HM13: variants seen among roughly 807,000 people sequenced by gnomAD.
The protein encoded by HM13 is signal peptide peptidase.
HM13 carries 18 observed loss-of-function variants against 50.0 expected under a neutral mutation model. The observed-to-expected ratio is 0.36, with a 90% CI of 0.25 to 0.53. The LOEUF is 0.53. Ranked by LOEUF, HM13 falls within the 20% of genes least tolerant of loss-of-function variation. The pLI, the probability that HM13 is intolerant of heterozygous loss-of-function variation, is 0.90. For synonymous variants in HM13, 197 were observed against 232.6 expected (o/e 0.85, Z 1.39); for missense variants, 393 against 552.4 (o/e 0.71, Z 2.89).
At chr20:31,555,170 C>A (rs1245220400) in intron 8 of HM13, among the ~76,000 whole-genome samples, 1 of 152,202 alleles carries the variant, frequency 6.6e-6, no homozygotes, top group Non-Finnish European at 1.5e-5. Flanking sequence ...ACAATCTTAA[C>A]AGACTGGACC....
chr20:31,538,442 G>T (rs1469838988), intron 3 of HM13, 181 bp downstream of exon 3: 11 of 1,435,722 alleles, frequency 7.7e-6, no homozygotes, highest in Non-Finnish European at 1.0e-5. Context: ...GACCTCTCTG[G>T]GCCACAGTTT....
chr20:31,542,621 G>A (rs997403804), intron 3 of HM13, among the ~76,000 whole-genome samples: 9 of 152,160 alleles, frequency 5.9e-5, no homozygotes, highest in Non-Finnish European at 1.3e-4. Flanking sequence ...ATGATGAGAC[G>A]GGGCCTCTAT....
chr20:31,514,690 A>G lies in HM13; in HGVS notation c.139A>G (p.Ile47Val), dbSNP rs1981658754. The part of the protein sequence containing the change: ...GSLLLMALLP[I>V]FFGALRSVRC... ...CCTCCTGCTCATGGCGCTGCTGCCC[A>G]TCTTCTTCGGCGCCCTGCGCTCCGT... The change falls in exon 1 of 13, where the codon ATC (isoleucine) becomes GTC (valine). Residue 47 changes from isoleucine to valine, a missense_variant. Around this residue, in one of 3 missense-constraint regions of HM13, gnomAD observed 214 missense variants for 276.1 expected, o/e 0.77. Transcript: ENST00000398174. The surrounding 1 kb of genome is among the most constrained non-coding windows in gnomAD (Gnocchi z 4.3). The G allele has an allele frequency of 1.9e-6, 3 of 1,553,280 alleles. No homozygotes were observed. The highest frequency in any genetic ancestry group is 2.6e-6 in the Non-Finnish European group (3 of 1,149,398).
chr20:31,549,575 C>T (rs1490763577), intron 6 of HM13, among the ~76,000 whole-genome samples: 1 of 152,160 alleles, frequency 6.6e-6, no homozygotes, highest in Non-Finnish European at 1.5e-5. Flanking sequence ...CTCTTCCTTG[C>T]TAGCAGGGGT....
intron 2 of HM13, among the ~76,000 whole-genome samples, chr20:31,529,606 A>T (rs1275024157): frequency 6.6e-6 from 1 of 152,084 alleles, no homozygotes; most frequent in Non-Finnish European, 1.5e-5. Flanking sequence ...TTCCTCAAGG[A>T]TGTCTTTAAT....
chr20:31,521,854 C>CTTTTTTTT, intron 1 of HM13, among the ~76,000 whole-genome samples: 1 of 120,632 alleles, frequency 8.3e-6, no homozygotes, highest in Non-Finnish European at 1.7e-5. Flanking sequence ...GTCTCCCATT[C>CTTTTTTTT]TTTTTTTTTT....
At chr20:31,548,025 G>A in intron 4 of HM13, 2 of 1,590,156 alleles carry the variant, frequency 1.3e-6, no homozygotes, top group South Asian at 1.1e-5. Flanking sequence ...ATGATGGGCT[G>A]TGGCACATGA....
intron 8 of HM13, among the ~76,000 whole-genome samples, chr20:31,558,305 C>T (rs1027609044): frequency 6.6e-6 from 1 of 152,198 alleles, no homozygotes; most frequent in Non-Finnish European, 1.5e-5. Flanking sequence ...TCCTCCTCCC[C>T]CCTCCAGCCA....
chr20:31,548,752 C>A, intron 4 of HM13: 2 of 487,226 alleles, frequency 4.1e-6, no homozygotes, highest in Non-Finnish European at 7.4e-6. Flanking sequence ...GCCTGTGCTT[C>A]TAACACCAAA....
intron 4 of HM13, 39 bp from the exon 5 acceptor site, chr20:31,548,987 GCCC>G (rs760524292): frequency 5.8e-6 from 9 of 1,552,626 alleles, no homozygotes; most frequent in Non-Finnish European, 8.0e-6. Context: ...GGGAGGGGTA[GCCC>G]TGCCTCAGGG....
chr20:31,516,221 G>A (rs1003025352), intron 1 of HM13, among the ~76,000 whole-genome samples: 5 of 152,306 alleles, frequency 3.3e-5, no homozygotes, highest in East Asian at 1.9e-4. Flanking sequence ...CAGAGGAGGC[G>A]AAGGACAGCT....
At chr20:31,559,198 G>A (rs1984474369) in intron 8 of HM13, among the ~76,000 whole-genome samples, 2 of 152,180 alleles carry the variant, frequency 1.3e-5, no homozygotes, top group Admixed American at 6.5e-5. Context: ...CTCTTTAACA[G>A]TCACAATCTC....
intron 2 of HM13, among the ~76,000 whole-genome samples, chr20:31,534,821 C>T (rs887088966): frequency 2.0e-5 from 3 of 152,000 alleles, no homozygotes; most frequent in Non-Finnish European, 4.4e-5. Context: ...TGCAGTGGCT[C>T]ACGCCTGTAA....
At chr20:31,568,361 C>A in intron 12 of HM13, 137 bp downstream of exon 12, 1 of 1,256,950 alleles carries the variant, frequency 8.0e-7, no homozygotes, top group Non-Finnish European at 1.1e-6. Context: ...CCTCCACAAC[C>A]ACCAGGCAGT....
At chr20:31,533,365 C>T (rs1462713507) in intron 2 of HM13, among the ~76,000 whole-genome samples, 6 of 152,150 alleles carry the variant, frequency 3.9e-5, no homozygotes, top group Admixed American at 6.5e-5. Flanking sequence ...GTTAACCGAG[C>T]GTGGTGGCCC....
rs1217578316 is a variant in HM13 at position 31,527,602 on chromosome 20, T to G, written c.282+20T>G. 2.0e-6 allele frequency: 3 copies of G among 1,501,166 alleles called. No homozygotes were observed. In the South Asian group the frequency reaches 3.4e-5, roughly 17 times the overall value. 93.0% of individuals were successfully genotyped at this position (1,501,166 alleles called of 1,614,324 possible). A position where few individuals can be genotyped will look rare whatever the true frequency, so the allele number is the denominator to read the frequency against. On this transcript the variant is annotated intron_variant, in intron 2 of 12. Transcript: ENST00000398174. The stretch of plus-strand genomic sequence containing the variant: ...TTCAAAGTAAGTCTTTTGCCACCTG[T>G]TGTGTCATTTGATCTAAATGACTTT...
In HM13 at chr20:31,566,314, C is replaced by A; in HGVS notation, c.1034+19C>A. The A allele has an allele frequency of 6.3e-7, 1 of 1,595,878 alleles. No homozygotes were observed. Among genetic ancestry groups the A allele is most frequent in the Non-Finnish European group, 8.6e-7 (1 of 1,163,500 alleles). On this transcript the variant is annotated intron_variant, in intron 11 of 12. Coordinates refer to ENST00000398174, the MANE Select transcript of HM13 (RefSeq NM_178581.3). ...TGTTCAGGTAAGGCAGAGTGGGGGG[C>A]AGATGTCCTCATGGGCACCAGTGTG...
intron 7 of HM13, among the ~76,000 whole-genome samples, chr20:31,554,239 G>C (rs1163597465): frequency 1.3e-5 from 2 of 152,024 alleles, no homozygotes; most frequent in Non-Finnish European, 2.9e-5. Flanking sequence ...AATGGGGCGG[G>C]CGTCTAAAAT....
chr20:31,558,593 C>T (rs966974287), intron 8 of HM13, among the ~76,000 whole-genome samples: 1 of 152,046 alleles, frequency 6.6e-6, no homozygotes, highest in African/African-American at 2.4e-5. Context: ...TCCTTCTTTC[C>T]CCTCCTTCAC....
Sources: allele counts gnomAD v4.1 joint callset (sites outside exome capture counted in the v4.1 genomes callset), GRCh38; gene constraint gnomAD v4.1.1; regional missense constraint gnomAD v4.1.1; non-coding constraint Gnocchi (gnomAD v3.1); transcripts MANE v1.5; gene names NCBI Gene and HGNC (gene_info 2026-07-23, HGNC 2026-07-21).